Variants in NSMCE4A observed in about 807,000 individuals in gnomAD.
NSMCE4A encodes NSE4A component of SMC5/6 complex.
Under a neutral mutation model 47.9 loss-of-function variants are expected in NSMCE4A, and 40 were observed. That is an observed-to-expected ratio of 0.83 (90% CI 0.65 to 1.09). NSMCE4A has a LOEUF of 1.09. Ranked by LOEUF, NSMCE4A falls within the 50% of genes least tolerant of loss-of-function variation. The pLI is 0.00. For synonymous variants in NSMCE4A, 166 were observed against 178.5 expected, an observed-to-expected ratio of 0.93 and a Z score of 0.56; for missense variants, 500 against 507.0, an observed-to-expected ratio of 0.99 and a Z score of 0.13.
In NSMCE4A at chr10:121,959,612, T is replaced by G. The variant is rs766805447; in HGVS notation, c.989-17A>C. 1 of 1,588,482 alleles carries G rather than the reference T, an allele frequency of 6.3e-7. No individual in the cohort carries two copies. The highest frequency in any genetic ancestry group is 2.2e-5 in the East Asian group (1 of 44,800). On this transcript the variant is annotated splice_polypyrimidine_tract_variant and intron_variant, in intron 8 of 10. Coordinates refer to ENST00000369023, the MANE Select transcript of NSMCE4A (RefSeq NM_017615.3). ...TAACAGGCTCTGTTTGAAAGACAAATTTTTCAAATTTATCAAAGGTTATTA... is the reference window on the plus strand; with the variant it reads ...TAACAGGCTCTGTTTGAAAGACAAAGTTTTCAAATTTATCAAAGGTTATTA...
At position 121,970,987 on chromosome 10, in the gene NSMCE4A, C is replaced by G. The variant is rs140251954; in HGVS notation, c.453G>C (p.Leu151=). The change falls in exon 3 of 11, where the codon CTG becomes CTC. Residue 151 remains leucine (L), a synonymous_variant. Coordinates refer to ENST00000369023, the MANE Select transcript of NSMCE4A (RefSeq NM_017615.3). ...TGTCAAAGGAGCTCAGGTCTGAGCG[C>G]AGCTGCTTTGCTTTCTCTTTGCCCA... is the stretch of plus-strand genomic sequence containing the variant. ...SDLGKEKAKQ[L]RSDLSSFDML... 2.7e-5 allele frequency: 43 copies of G among 1,613,946 alleles called. No individual in the cohort carries two copies. The African/African-American group carries it at 4.9e-4, about 19-fold the overall frequency.
intron 2 of NSMCE4A, 47 bp from the exon 3 acceptor site, chr10:121,971,116 T>A (rs1952700285): frequency 7.8e-6 from 12 of 1,532,818 alleles, no homozygotes; most frequent in Non-Finnish European, 1.1e-5. Context: ...ATACACATTA[T>A]CCATAGACTT....
intron 6 of NSMCE4A, chr10:121,962,109 TAAAA>T (rs71022875): frequency 6.9e-3 from 2,021 of 292,382 alleles, no homozygotes; most frequent in South Asian, 0.011. Flanking sequence ...GACTGTCTCC[TAAAA>T]AAAAAAAAAA....
rs1952472879 is a variant in NSMCE4A, at chr10:121,960,177, T to C, written c.988+181A>G. Reference sequence around the variant, plus strand: ...GCAGATGTTGAATCAATGATATAGATGAATCCATCAAAATTTTAGACGCTG... The same window carrying C: ...GCAGATGTTGAATCAATGATATAGACGAATCCATCAAAATTTTAGACGCTG... On this transcript the variant is annotated intron_variant, in intron 8 of 10. Coordinates refer to ENST00000369023, the MANE Select transcript of NSMCE4A (RefSeq NM_017615.3). The surrounding 1 kb of genome is among the most constrained non-coding windows in gnomAD (Gnocchi z 4.2). The C allele has an allele frequency of 6.8e-6, 3 of 438,376 alleles. No homozygotes were observed. Among genetic ancestry groups the C allele is most frequent in the Non-Finnish European group, 1.2e-5 (3 of 247,622 alleles). The allele number at this position is 438,376 out of a possible 1,614,324, so 27.2% of individuals were successfully genotyped here. A position where few individuals can be genotyped will look rare whatever the true frequency, so the allele number is the denominator to read the frequency against.
Position 121,959,518 on chromosome 10 carries a change from T to C in NSMCE4A, c.1066A>G (p.Ser356Gly), listed in dbSNP as rs1304626174. Residue 356 changes from serine (S) to glycine (G), a missense_variant, in exon 9 of 11, where the codon AGT becomes GGT. By Grantham distance (56) the Ser-to-Gly change is moderately conservative. Coordinates refer to ENST00000369023, the MANE Select transcript of NSMCE4A (RefSeq NM_017615.3). ...QVRNQGIIAL[S>G]YRDWEEIVKT... ...AGCTTTACCTCCCAGTCACGGTAAC[T>C]CAAAGCTATAATTCCTTGATTTCTA... The C allele has an allele frequency of 6.2e-7, 1 of 1,613,734 alleles. No individual in the cohort carries two copies.
intron 5 of NSMCE4A, among the ~76,000 whole-genome samples, chr10:121,963,641 C>T (rs1347882665): frequency 6.7e-6 from 1 of 148,540 alleles, no homozygotes; most frequent in South Asian, 2.1e-4. Context: ...AGACACCTGG[C>T]TAATTAAAAA....
In NSMCE4A at chr10:121,973,217, C is replaced by T. The variant is rs920268984; in HGVS notation, c.370+787G>A. 2.3e-5 allele frequency among the ~76,000 whole-genome samples: 3 copies of T among 128,010 alleles called. No individual in the cohort carries two copies. The East Asian group carries it at 6.0e-4, about 26-fold the overall frequency. The allele number at this position is 128,010 out of a possible 152,430, so 84.0% of individuals were successfully genotyped here. A position where few individuals can be genotyped will look rare whatever the true frequency, so the allele number is the denominator to read the frequency against. Reference sequence around the variant, plus strand: ...TGCTACTGCACTCCAGCCTGGGCAACAGAGACTCCATCTCAAACCTCAAAA... The same window carrying T: ...TGCTACTGCACTCCAGCCTGGGCAATAGAGACTCCATCTCAAACCTCAAAA... On this transcript the variant is annotated intron_variant, in intron 2 of 10. Coordinates refer to ENST00000369023, the MANE Select transcript of NSMCE4A (RefSeq NM_017615.3).
At chr10:121,969,480 T>C (rs1479253405) in intron 3 of NSMCE4A, among the ~76,000 whole-genome samples, 1 of 144,598 alleles carries the variant, frequency 6.9e-6, no homozygotes, top group Non-Finnish European at 1.5e-5. Context: ...AAGTGCATTA[T>C]GTTTCACAAT....
intron 5 of NSMCE4A, 40 bp downstream of exon 5, chr10:121,965,240 TTTTAAC>T: frequency 7.2e-7 from 1 of 1,390,512 alleles, no homozygotes; most frequent in Non-Finnish European, 1.0e-6. Context: ...TTAACAGCTA[TTTTAAC>T]TTTAATGTGT....
intron 5 of NSMCE4A, among the ~76,000 whole-genome samples, chr10:121,963,924 G>A (rs570149677): frequency 3.3e-5 from 5 of 150,100 alleles, no homozygotes; most frequent in African/African-American, 9.8e-5. Flanking sequence ...TGGTGAAACC[G>A]TCTCTATTAA....
At chr10:121,958,429 AAG>A (rs1395193693) in intron 10 of NSMCE4A, among the ~76,000 whole-genome samples, 1 of 152,238 alleles carries the variant, frequency 6.6e-6, no homozygotes, top group Non-Finnish European at 1.5e-5. Flanking sequence ...AAAAATGAAG[AAG>A]AATTCTTTCA....
At position 121,960,386 on chromosome 10, in the gene NSMCE4A, T is replaced by G; in HGVS notation, c.960A>C (p.Arg320Ser). The G allele has an allele frequency of 6.6e-7, 1 of 1,503,960 alleles. No homozygotes were observed. The highest frequency in any genetic ancestry group is 8.8e-7 in the Non-Finnish European group (1 of 1,140,220). The allele number at this position is 1,503,960 out of a possible 1,614,324, so 93.2% of individuals were successfully genotyped here. A position where few individuals can be genotyped will look rare whatever the true frequency, so the allele number is the denominator to read the frequency against. ...TTACTGGCAGTCGGTCTTGGTCAAG[T>G]CTTATTCTTGCAAAACCATCCTAAA... ...FIIRDGFARI[R>S]LDQDRLPVIE... Residue 320 changes from arginine (R) to serine (S), a missense_variant, in exon 8 of 11, where the codon AGA becomes AGC. Physicochemically the swap from Arg to Ser is moderately radical, Grantham distance 110. Transcript: ENST00000369023. This position sits in a 1 kb window ranked among gnomAD's most constrained non-coding sequence, Gnocchi z 4.2.
rs1022897710 is a variant in NSMCE4A at position 121,960,478 on chromosome 10, A to C, written c.940-72T>G. The C allele has an allele frequency of 1.8e-6, 2 of 1,092,934 alleles. No individual in the cohort carries two copies. Among genetic ancestry groups the C allele is most frequent in the African/African-American group, 3.3e-5 (2 of 60,002 alleles). The allele number at this position is 1,092,934 out of a possible 1,614,324, so 67.7% of individuals were successfully genotyped here. ...AAACCTATACGCACTAGATGGAAAA[A>C]ATTACTCAGAAAATTCAGTATCTCA... On this transcript the variant is annotated intron_variant, in intron 7 of 10. Transcript: ENST00000369023. This position sits in a 1 kb window ranked among gnomAD's most constrained non-coding sequence, Gnocchi z 4.2.
chr10:121,965,478 C>A lies in NSMCE4A; in HGVS notation c.654-93G>T. On this transcript the variant is annotated intron_variant, in intron 4 of 10. Transcript: ENST00000369023. ...CTAAAAGTAGTTTGCATGGTATAGT[C>A]AAATTCAGACCAGACATCAGTGATA... 4 of 868,606 alleles carry A rather than the reference C, an allele frequency of 4.6e-6. No individual in the cohort carries two copies. The South Asian group carries it at 4.7e-5, about 10-fold the overall frequency. The allele number at this position is 868,606 out of a possible 1,614,324, so 53.8% of individuals were successfully genotyped here.
intron 10 of NSMCE4A, among the ~76,000 whole-genome samples, chr10:121,958,525 A>G (rs1477977059): frequency 6.6e-6 from 1 of 152,196 alleles, no homozygotes; most frequent in Non-Finnish European, 1.5e-5. Flanking sequence ...TCTGCTTTGT[A>G]CTTATAAAAT....
rs1413225440 is a variant in NSMCE4A, at chr10:121,965,148, A to C, written c.753+138T>G. On this transcript the variant is annotated intron_variant, in intron 5 of 10. Coordinates refer to ENST00000369023, the MANE Select transcript of NSMCE4A (RefSeq NM_017615.3). Reference sequence around the variant, plus strand: ...ATCCAATAAAATGCTTAAAGGCTTAAATAAAATGATTATTTAAGTGACAAA... The same window carrying C: ...ATCCAATAAAATGCTTAAAGGCTTACATAAAATGATTATTTAAGTGACAAA... The C allele has an allele frequency of 6.7e-5, 41 of 614,572 alleles. No homozygotes were observed. In the South Asian group the frequency reaches 8.5e-4, roughly 13 times the overall value. The allele number at this position is 614,572 out of a possible 1,614,324, so 38.1% of individuals were successfully genotyped here. A position where few individuals can be genotyped will look rare whatever the true frequency, so the allele number is the denominator to read the frequency against.
chr10:121,958,071 T>C (rs1952432145), intron 10 of NSMCE4A, among the ~76,000 whole-genome samples: 1 of 151,860 alleles, frequency 6.6e-6, no homozygotes, highest in South Asian at 2.1e-4. Context: ...CTACTAAAAA[T>C]AGAAAAATTA....
intron 2 of NSMCE4A, among the ~76,000 whole-genome samples, chr10:121,973,186 A>G (rs1427597421): frequency 6.6e-6 from 1 of 150,946 alleles, no homozygotes; most frequent in African/African-American, 2.4e-5. Flanking sequence ...CAGTGAGCCG[A>G]GATTGTGCTA....
chr10:121,974,581 G>T, intron 1 of NSMCE4A: 1 of 1,036,286 alleles, frequency 9.6e-7, no homozygotes, highest in Non-Finnish European at 1.2e-6. Context: ...TCCGCGTCCT[G>T]CCTCTCCCCA....
Sources: allele counts gnomAD v4.1 joint callset (sites outside exome capture counted in the v4.1 genomes callset), GRCh38; gene constraint gnomAD v4.1.1; non-coding constraint Gnocchi (gnomAD v3.1); transcripts MANE v1.5; gene names NCBI Gene and HGNC (gene_info 2026-07-23, HGNC 2026-07-21).